ATRIP: variants seen among roughly 807,000 people sequenced by gnomAD.
ATRIP encodes ATR-interacting protein.
A neutral mutation model predicts 78.1 loss-of-function variants in ATRIP; 44 were observed. The ratio of observed to expected loss-of-function variants is 0.56; its 90% CI spans 0.44 to 0.72. ATRIP has a LOEUF of 0.72. Among genes scored for constraint, ATRIP ranks in the 30% least tolerant of loss-of-function variants. The pLI is 0.00. For missense variants in ATRIP, 927 were observed against 980.2 expected (o/e 0.95, Z 0.72); for synonymous variants, 388 against 408.9 (o/e 0.95, Z 0.62).
At chr3:48,451,675 A>C (rs2039839710) in intron 2 of ATRIP, 54 bp from the exon 3 acceptor site, 1 of 1,467,252 alleles carries the variant, frequency 6.8e-7, no homozygotes, top group Admixed American at 2.0e-5. Flanking sequence ...AAAACAAAGT[A>C]CCTAAGTAGT....
intron 1 of ATRIP, among the ~76,000 whole-genome samples, chr3:48,448,077 A>AGGGAGT (rs1560100730): frequency 6.6e-6 from 1 of 151,900 alleles, no homozygotes; most frequent in Non-Finnish European, 1.5e-5. Context: ...TTGACTCCCT[A>AGGGAGT]CAAGTGAGGC....
chr3:48,466,285 ACTGCCTGC>A lies in ATRIP; in HGVS notation c.*744_*751del, dbSNP rs371036312. The A allele has an allele frequency of 2.2e-3, 1,459 of 668,026 alleles. 3 individuals carry two copies. The highest frequency in any genetic ancestry group is 4.8e-3 in the Middle Eastern group (12 of 2,480). 41.4% of individuals were successfully genotyped at this position (668,026 alleles called of 1,614,324 possible). On this transcript the variant is annotated 3_prime_UTR_variant, in exon 13 of 13. Coordinates refer to ENST00000320211, the MANE Select transcript of ATRIP (RefSeq NM_130384.3). Reference sequence around the variant, plus strand: ...CGGGAGAGTGTGCAGCCGAGTCACTACTGCCTGCCTGCCTGCCTGCTACGGTGAGTGTG... The same window carrying A: ...CGGGAGAGTGTGCAGCCGAGTCACTACTGCCTGCCTGCTACGGTGAGTGTG...
intron 2 of ATRIP, chr3:48,450,466 C>G (rs1378156019): frequency 8.0e-7 from 1 of 1,250,968 alleles, no homozygotes; most frequent in African/African-American, 1.5e-5. Context: ...AATACAACTT[C>G]ATAATGGTTG....
intron 2 of ATRIP, chr3:48,450,608 T>TTC: frequency 1.9e-6 from 2 of 1,040,474 alleles, no homozygotes; most frequent in Admixed American, 5.5e-5. Context: ...TTTTTTTTTT[T>TTC]TGGAGATGGA....
chr3:48,449,655 C>T (rs1050659712), intron 1 of ATRIP, among the ~76,000 whole-genome samples: 1 of 150,590 alleles, frequency 6.6e-6, no homozygotes. Flanking sequence ...CATCCAGGCA[C>T]AGTGGCTGAC....
Position 48,457,437 on chromosome 3 carries a change from T to C in ATRIP, c.829+21T>C, listed in dbSNP as rs372682100. ...AGAGGGTAAGTCCATTAGTCATCTA[T>C]TGATGTATAACAAGCTACCCAAATA... On this transcript the variant is annotated intron_variant, in intron 5 of 12. Coordinates refer to ENST00000320211, the MANE Select transcript of ATRIP (RefSeq NM_130384.3). The C allele has an allele frequency of 2.8e-4, 415 of 1,485,224 alleles. 7 individuals are homozygous for C. The South Asian group carries it at 5.4e-3, about 19-fold the overall frequency. 92.0% of individuals were successfully genotyped at this position (1,485,224 alleles called of 1,614,324 possible).
chr3:48,454,431 C>G lies in ATRIP; in HGVS notation c.671+13C>G. ...TTTCCCATGTCAGGTAATGATGGTG[C>G]TGGAGGGATAGTTCAGTTTTGCATT... On this transcript the variant is annotated intron_variant, in intron 4 of 12. Coordinates refer to ENST00000320211, the MANE Select transcript of ATRIP (RefSeq NM_130384.3). 2 of 1,574,620 alleles carry G rather than the reference C, an allele frequency of 1.3e-6. No individual in the cohort carries two copies. Among genetic ancestry groups the G allele is most frequent in the Non-Finnish European group, 1.7e-6 (2 of 1,144,916 alleles).
At chr3:48,450,917 G>A (rs1378671095) in intron 2 of ATRIP, among the ~76,000 whole-genome samples, 2 of 151,798 alleles carry the variant, frequency 1.3e-5, no homozygotes, top group Admixed American at 6.6e-5. Flanking sequence ...GGCCAGGCGC[G>A]GTGGCTCACA....
At chr3:48,460,916 AGG>A (rs2040088954) in intron 8 of ATRIP, 117 bp downstream of exon 8, 1 of 1,058,730 alleles carries the variant, frequency 9.4e-7, no homozygotes, top group African/African-American at 1.6e-5. Context: ...GTTAGTTCTA[AGG>A]CTTGGTTCAG....
intron 1 of ATRIP, 97 bp downstream of exon 1, chr3:48,447,189 C>T: frequency 7.7e-7 from 1 of 1,306,294 alleles, no homozygotes; most frequent in South Asian, 2.3e-5. Flanking sequence ...CCAGCACTGC[C>T]TTTTCGCCTT....
rs1385980659 is a variant in ATRIP at position 48,467,630 on chromosome 3, C to A, written c.*2076C>A. 6.3e-7 allele frequency: 1 copy of A among 1,597,974 alleles called. No homozygotes were observed. Among genetic ancestry groups the A allele is most frequent in the Non-Finnish European group, 8.5e-7 (1 of 1,171,990 alleles). On this transcript the variant is annotated 3_prime_UTR_variant, in exon 13 of 13. Transcript: ENST00000320211. Reference sequence around the variant, plus strand: ...AGAAGGAAAATCTGACGAATAAAGACCCCCGCTGCCCCATAGCACTGAGTG... The same window carrying A: ...AGAAGGAAAATCTGACGAATAAAGAACCCCGCTGCCCCATAGCACTGAGTG...
Position 48,466,028 on chromosome 3 carries a change from C to A in ATRIP, c.*474C>A. On this transcript the variant is annotated 3_prime_UTR_variant, in exon 13 of 13. Transcript: ENST00000320211. The stretch of plus-strand genomic sequence containing the variant: ...CCACTGCCCTGGTCCTTCCAGCTGC[C>A]TGTCACTGGTATGATGGCCCCGGTG... 6.3e-6 allele frequency: 2 copies of A among 318,840 alleles called. No individual in the cohort carries two copies. The highest frequency in any genetic ancestry group is 1.2e-5 in the Non-Finnish European group (2 of 163,564). The allele number at this position is 318,840 out of a possible 1,614,324, so 19.8% of individuals were successfully genotyped here.
In ATRIP at chr3:48,466,404, A is replaced by G. The variant is rs925399636; in HGVS notation, c.*850A>G. On this transcript the variant is annotated 3_prime_UTR_variant, in exon 13 of 13. Coordinates refer to ENST00000320211, the MANE Select transcript of ATRIP (RefSeq NM_130384.3). ...GGGGCACTAGGGGAGGGGCCGAGTC[A>G]TGTGAAGAGGGAGACCCTCTCAGAC... is the stretch of plus-strand genomic sequence containing the variant. 5.0e-6 allele frequency: 8 copies of G among 1,587,798 alleles called. No homozygotes were observed. The highest frequency in any genetic ancestry group is 5.0e-5 in the Admixed American group (3 of 59,638).
chr3:48,466,479 TC>T lies in ATRIP; in HGVS notation c.*927del. 3.1e-6 allele frequency: 5 copies of T among 1,613,892 alleles called. No homozygotes were observed. Among genetic ancestry groups the T allele is most frequent in the Non-Finnish European group, 4.2e-6 (5 of 1,180,006 alleles). ...GGAAACCACCTCACCCTCTCCAACT[TC>T]CTGCCTGAAAATGGGCCCTGGAGCT... On this transcript the variant is annotated 3_prime_UTR_variant, in exon 13 of 13. Transcript: ENST00000320211.
intron 9 of ATRIP, 75 bp from the exon 10 acceptor site, chr3:48,463,966 G>A: frequency 6.2e-7 from 1 of 1,605,434 alleles, no homozygotes; most frequent in Non-Finnish European, 8.5e-7. Context: ...GGGCCTCAGA[G>A]GGCTTCTGCA....
At chr3:48,448,491 C>T in intron 1 of ATRIP, among the ~76,000 whole-genome samples, 1 of 152,178 alleles carries the variant, frequency 6.6e-6, no homozygotes, top group East Asian at 1.9e-4. Context: ...ATGAACACCC[C>T]TAATGAAAGC....
intron 8 of ATRIP, among the ~76,000 whole-genome samples, chr3:48,461,687 G>A (rs997524765): frequency 5.9e-5 from 9 of 151,618 alleles, no homozygotes; most frequent in Admixed American, 3.3e-4. Context: ...GTTTTTTTTT[G>A]TTGTTGTTTA....
At chr3:48,455,435 A>G (rs2039931319) in intron 4 of ATRIP, among the ~76,000 whole-genome samples, 1 of 152,062 alleles carries the variant, frequency 6.6e-6, no homozygotes, top group Non-Finnish European at 1.5e-5. Flanking sequence ...GGTTTATCAA[A>G]ATTATGATAT....
chr3:48,449,757 C>G (rs2039784662), intron 1 of ATRIP, among the ~76,000 whole-genome samples: 1 of 141,380 alleles, frequency 7.1e-6, no homozygotes, highest in Admixed American at 7.3e-5. Flanking sequence ...GAAACGCCAT[C>G]TCTACTAAAA....
Sources: gnomAD v4.1 joint callset for allele counts (sites outside exome capture counted in the v4.1 genomes callset) on GRCh38, gnomAD v4.1.1 for gene constraint, MANE v1.5 for transcripts, NCBI Gene and HGNC (gene_info 2026-07-23, HGNC 2026-07-21) for gene names.